Variants in MAP3K6 observed in about 807,000 individuals in gnomAD.
The protein encoded by MAP3K6 is apoptosis signal-regulating kinase 2.
In MAP3K6, 105 loss-of-function variants were observed where a neutral mutation model predicts 147.1. The observed-to-expected ratio is 0.71, with a 90% CI of 0.61 to 0.84. The LOEUF (loss-of-function observed/expected upper bound fraction) is 0.84, where lower values mean the gene tolerates loss of function less well. MAP3K6 is among the 40% of genes least tolerant of loss of function. The pLI is 0.00. For synonymous variants in MAP3K6, 695 were observed against 732.4 expected (o/e 0.95, Z 0.82); for missense variants, 1,569 against 1,715.0 (o/e 0.91, Z 1.50).
chr1:27,360,934 C>CCCGCGCCCT lies in MAP3K6; in HGVS notation c.1898_1906dup (p.Glu633_Ala635dup). The CCCGCGCCCT allele has an allele frequency of 6.2e-7, 1 of 1,608,108 alleles. No homozygotes were observed. The highest frequency in any genetic ancestry group is 8.5e-7 in the Non-Finnish European group (1 of 1,177,144). Reference sequence around the variant, plus strand: ...CCGCGTCCTCACCTCCAACATCTCCCCCGCGCCCTCCGCCTCCTCCGCGGG... The same window carrying CCCGCGCCCT: ...CCGCGTCCTCACCTCCAACATCTCCCCCGCGCCCTCCGCGCCCTCCGCCTCCTCCGCGGG... On this transcript the variant is annotated inframe_insertion, in exon 14 of 29. Transcript: ENST00000357582. This position sits in a 1 kb window ranked among gnomAD's most constrained non-coding sequence, Gnocchi z 4.5.
intron 28 of MAP3K6, 99 bp downstream of exon 28, chr1:27,355,570 A>T: frequency 6.4e-7 from 1 of 1,566,600 alleles, no homozygotes; most frequent in Non-Finnish European, 8.8e-7. Flanking sequence ...TAGGGGACCC[A>T]GGTGCCCCTT....
chr1:27,361,480 C>T, intron 11 of MAP3K6, 40 bp downstream of exon 11: 1 of 1,612,716 alleles, frequency 6.2e-7, no homozygotes, highest in South Asian at 1.1e-5. Flanking sequence ...CAGAAAAGGT[C>T]CTAGCAAAGG....
In MAP3K6 at chr1:27,360,279, C is replaced by T; in HGVS notation, c.2144G>A (p.Gly715Asp). ...CTCCATGAAGATCTTAAGGTAGCCGCCCTGGCTAGCTGAGCCCAGATAGCG... is the reference window on the plus strand; with the variant it reads ...CTCCATGAAGATCTTAAGGTAGCCGTCCTGGCTAGCTGAGCCCAGATAGCG... ...IVRYLGSASQ[G>D]GYLKIFMEEV... Residue 715 changes from glycine to aspartate, a missense_variant, in exon 16 of 29, where the codon GGC (glycine) becomes GAC (aspartate). Coordinates refer to ENST00000357582, the MANE Select transcript of MAP3K6 (RefSeq NM_004672.5). The surrounding 1 kb of genome is among the most constrained non-coding windows in gnomAD (Gnocchi z 4.5). 6.2e-7 allele frequency: 1 copy of T among 1,614,124 alleles called. No homozygotes were observed.
At position 27,366,559 on chromosome 1, in the gene MAP3K6, G is replaced by A. The variant is rs2015995715; in HGVS notation, c.39C>T (p.Ala13=). 9.2e-7 allele frequency: 1 copy of A among 1,089,590 alleles called. No individual in the cohort carries two copies. Among genetic ancestry groups the A allele is most frequent in the Non-Finnish European group, 1.1e-6 (1 of 898,308 alleles). 67.5% of individuals were successfully genotyped at this position (1,089,590 alleles called of 1,614,324 possible). Residue 13 remains alanine (A), a synonymous_variant, in exon 1 of 29, where the codon GCC becomes GCT. Coordinates refer to ENST00000357582, the MANE Select transcript of MAP3K6 (RefSeq NM_004672.5). The surrounding 1 kb of genome is among the most constrained non-coding windows in gnomAD (Gnocchi z 5.5). Reference sequence around the variant, plus strand: ...CCAGCGGGTCCTGCCAGCAGCTGCCGGCGCGCTCCGCCCCGGACCGGGGAC... The same window carrying A: ...CCAGCGGGTCCTGCCAGCAGCTGCCAGCGCGCTCCGCCCCGGACCGGGGAC... The part of the protein sequence containing the change: ...GPCPRSGAER[A]GSCWQDPLAV...
intron 21 of MAP3K6, 29 bp from the exon 22 acceptor site, chr1:27,357,905 G>A (rs4970520): frequency 0.22 from 336,346 of 1,549,248 alleles, 41,456 homozygotes; most frequent in East Asian, 0.49. Context: ...TGCTGATTGA[G>A]GACGGGCAGC....
rs137982409 is a variant in MAP3K6, at chr1:27,362,879, C to T, written c.1114G>A (p.Ala372Thr). Residue 372 changes from alanine to threonine, a missense_variant, in exon 7 of 29, where the codon GCT becomes ACT. By Grantham distance (58) the Ala-to-Thr change is moderately conservative (BLOSUM62 0). Coordinates refer to ENST00000357582, the MANE Select transcript of MAP3K6 (RefSeq NM_004672.5). ...TGATAGGCCTGCTCCCGGTGCCCAG[C>T]ATCCTGGAAACCCGAGCTGAAGAAC... ...DMFFSSGFQDAGHREQAYHWY... is the reference protein window; with the variant it reads ...DMFFSSGFQDTGHREQAYHWY... 7.7e-5 allele frequency: 125 copies of T among 1,614,114 alleles called. No homozygotes were observed. Among genetic ancestry groups the T allele is most frequent in the Middle Eastern group, 1.6e-4 (1 of 6,062 alleles).
chr1:27,361,163 C>G lies in MAP3K6; in HGVS notation c.1826G>C (p.Cys609Ser), dbSNP rs745332961. The G allele has an allele frequency of 2.0e-5, 32 of 1,609,238 alleles. No homozygotes were observed. The highest frequency in any genetic ancestry group is 2.7e-5 in the Non-Finnish European group (32 of 1,178,414). The change falls in exon 13 of 29, where the codon TGC (cysteine) becomes TCC (serine). Residue 609 changes from cysteine (C) to serine (S), a missense_variant. Coordinates refer to ENST00000357582, the MANE Select transcript of MAP3K6 (RefSeq NM_004672.5). ...VQLCFPSVGH[C>S]QWFCGLIQAW... ...ACCATGAAAGGCTGCGCACCACTGG[C>G]AGTGCCCTACGCTGGGGAAGCACAG...
rs372494194 is a variant in MAP3K6 at position 27,359,469 on chromosome 1, G to A, written c.2373C>T (p.Phe791=). ...TGCCTGCCAGCCGCTTGGAGGTGCC[G>A]AAGTCAGAAATCTTGAGCAGCCCAC... ...TFSGLLKISD[F]GTSKRLAGIT... Residue 791 remains phenylalanine, a synonymous_variant, in exon 18 of 29, where the codon TTC becomes TTT. Coordinates refer to ENST00000357582, the MANE Select transcript of MAP3K6 (RefSeq NM_004672.5). The surrounding 1 kb of genome is among the most constrained non-coding windows in gnomAD (Gnocchi z 4.4). 3.0e-5 allele frequency: 49 copies of A among 1,614,004 alleles called. No homozygotes were observed. The highest frequency in any genetic ancestry group is 3.6e-5 in the Non-Finnish European group (42 of 1,180,026).
At position 27,359,816 on chromosome 1, in the gene MAP3K6, G is replaced by C; in HGVS notation, c.2319+42C>G. The C allele has an allele frequency of 6.2e-7, 1 of 1,608,066 alleles. No individual in the cohort carries two copies. The highest frequency in any genetic ancestry group is 1.1e-5 in the South Asian group (1 of 90,902). ...CGTCTGGGACCATGTTTCCTTCCCC[G>C]CCACCCTCAGCAGATGAGGGCGGGC... On this transcript the variant is annotated intron_variant, in intron 17 of 28. Transcript: ENST00000357582. This position sits in a 1 kb window ranked among gnomAD's most constrained non-coding sequence, Gnocchi z 4.4.
rs1235616747 is a variant in MAP3K6, at chr1:27,360,402, G to C, written c.2055-34C>G. ...AGGTAAGGGAGAGAGGAAAGGGACC[G>C]AGGTGGGCAGAGAAGCCCCGCCCAT... On this transcript the variant is annotated intron_variant, in intron 15 of 28. Coordinates refer to ENST00000357582, the MANE Select transcript of MAP3K6 (RefSeq NM_004672.5). This position sits in a 1 kb window ranked among gnomAD's most constrained non-coding sequence, Gnocchi z 4.5. The C allele has an allele frequency of 1.3e-6, 2 of 1,599,130 alleles. No homozygotes were observed. The highest frequency in any genetic ancestry group is 1.3e-5 in the African/African-American group (1 of 74,678).
chr1:27,363,036 G>A lies in MAP3K6; in HGVS notation c.972-15C>T. Reference sequence around the variant, plus strand: ...GCCTGTTCCTCCTAGGGAAAAGATGGGCTCAGGCCCTCCCTGATGGCCCTG... The same window carrying A: ...GCCTGTTCCTCCTAGGGAAAAGATGAGCTCAGGCCCTCCCTGATGGCCCTG... On this transcript the variant is annotated splice_polypyrimidine_tract_variant and intron_variant, in intron 6 of 28. Transcript: ENST00000357582. 1 of 1,608,632 alleles carries A rather than the reference G, an allele frequency of 6.2e-7. No homozygotes were observed. Among genetic ancestry groups the A allele is most frequent in the African/African-American group, 1.3e-5 (1 of 74,840 alleles).
chr1:27,362,735 G>A lies in MAP3K6; in HGVS notation c.1161C>T (p.Asp387=), dbSNP rs757438284. The A allele has an allele frequency of 5.6e-6, 9 of 1,612,228 alleles. No homozygotes were observed. In the African/African-American group the frequency reaches 6.7e-5, roughly 12 times the overall value. Reference sequence around the variant, plus strand: ...TGCCTGAGTGAAGGCTGGGCTCTACGTCAAAAGCCTTGCGATACCTGGGGT... The same window carrying A: ...TGCCTGAGTGAAGGCTGGGCTCTACATCAAAAGCCTTGCGATACCTGGGGT... ...QAYHWYRKAF[D]VEPSLHSGIN... The change falls in exon 8 of 29, where the codon GAC becomes GAT. Residue 387 remains aspartate, a synonymous_variant. Coordinates refer to ENST00000357582, the MANE Select transcript of MAP3K6 (RefSeq NM_004672.5).
chr1:27,366,275 T>C lies in MAP3K6; in HGVS notation c.323A>G (p.Asp108Gly). The change falls in exon 1 of 29, where the codon GAT (aspartate) becomes GGT (glycine). Residue 108 changes from aspartate to glycine, a missense_variant. Coordinates refer to ENST00000357582, the MANE Select transcript of MAP3K6 (RefSeq NM_004672.5). The surrounding 1 kb of genome is among the most constrained non-coding windows in gnomAD (Gnocchi z 5.5). ...TLELGDTAAL[D>G]AFYNADVVVL... ...GCTCTCACCCGCGTTGTAGAAGGCATCCAGAGCCGCGGTGTCGCCTAGCTC... is the reference window on the plus strand; with the variant it reads ...GCTCTCACCCGCGTTGTAGAAGGCACCCAGAGCCGCGGTGTCGCCTAGCTC... 2.2e-6 allele frequency: 3 copies of C among 1,338,006 alleles called. No individual in the cohort carries two copies. Among genetic ancestry groups the C allele is most frequent in the Non-Finnish European group, 2.9e-6 (3 of 1,045,620 alleles). The allele number at this position is 1,338,006 out of a possible 1,614,324, so 82.9% of individuals were successfully genotyped here.
At chr1:27,356,129 A>T (rs778003671) in intron 26 of MAP3K6, 30 bp from the exon 27 acceptor site, 118 of 1,599,724 alleles carry the variant, frequency 7.4e-5, no homozygotes, top group Non-Finnish European at 9.4e-5. Context: ...TGATGAGCCC[A>T]AGAGTGCCTC....
At chr1:27,361,443 G>T (rs2015766140) in intron 11 of MAP3K6, 48 bp from the exon 12 acceptor site, 1 of 1,611,208 alleles carries the variant, frequency 6.2e-7, no homozygotes, top group African/African-American at 1.3e-5. Flanking sequence ...GACAGGAGAG[G>T]GGTCTGAGGA....
Position 27,358,487 on chromosome 1 carries a change from TC to T in MAP3K6, c.2707del (p.Asp903ThrfsTer89). Reference sequence around the variant, plus strand: ...CCTTTTCCCAGGCTGCAGGAAGGGGTCCCCCAGCAGTGTCTGGGCGCTGGCT... The same window carrying T: ...CCTTTTCCCAGGCTGCAGGAAGGGGTCCCCAGCAGTGTCTGGGCGCTGGCT... ...LRASAQTLLG[D>X]PFLQPGKRSR... On this transcript the variant is annotated frameshift_variant, in exon 20 of 29. Coordinates refer to ENST00000357582, the MANE Select transcript of MAP3K6 (RefSeq NM_004672.5). LOFTEE classifies it high-confidence loss of function. This position sits in a 1 kb window ranked among gnomAD's most constrained non-coding sequence, Gnocchi z 6.2. 3 of 1,596,898 alleles carry T rather than the reference TC, an allele frequency of 1.9e-6. No individual in the cohort carries two copies. The highest frequency in any genetic ancestry group is 2.6e-6 in the Non-Finnish European group (3 of 1,175,264).
rs200087701 is a variant in MAP3K6, at chr1:27,364,389, G to A, written c.510C>T (p.Cys170=). ...REDVFQKNSD[C]VGSYTLIPYV... is the part of the protein sequence containing the mutation. Reference sequence around the variant, plus strand: ...AGGGGATCAGTGTGTAGCTGCCAACGCAATCCTGGTGGGAGGGAGGCAGGA... The same window carrying A: ...AGGGGATCAGTGTGTAGCTGCCAACACAATCCTGGTGGGAGGGAGGCAGGA... The change falls in exon 4 of 29, where the codon TGC becomes TGT. Residue 170 remains cysteine, a synonymous_variant. Coordinates refer to ENST00000357582, the MANE Select transcript of MAP3K6 (RefSeq NM_004672.5). The surrounding 1 kb of genome is among the most constrained non-coding windows in gnomAD (Gnocchi z 4.4). 36 of 1,613,812 alleles carry A rather than the reference G, an allele frequency of 2.2e-5. No individual in the cohort carries two copies. In the Admixed American group the frequency reaches 2.3e-4, roughly 10 times the overall value.
Position 27,357,870 on chromosome 1 carries a change from G to A in MAP3K6, c.2922C>T (p.Pro974=), listed in dbSNP as rs558826571. ...CAGGCTCCTCGGCCGCAGGCTCCTCGGGCACCCTGGGCACAAGGGCGAGCT... is the reference window on the plus strand; with the variant it reads ...CAGGCTCCTCGGCCGCAGGCTCCTCAGGCACCCTGGGCACAAGGGCGAGCT... ...SYGGTSQLRV[P]EEPAAEEPAS... The change falls in exon 22 of 29, where the codon CCC becomes CCT. Residue 974 remains proline, a synonymous_variant. Coordinates refer to ENST00000357582, the MANE Select transcript of MAP3K6 (RefSeq NM_004672.5). 6.3e-6 allele frequency: 10 copies of A among 1,588,198 alleles called. No homozygotes were observed. Among genetic ancestry groups the A allele is most frequent in the Middle Eastern group, 1.8e-4 (1 of 5,508 alleles).
chr1:27,365,561 G>A (rs879750965), intron 1 of MAP3K6, among the ~76,000 whole-genome samples: 4 of 152,056 alleles, frequency 2.6e-5, no homozygotes, highest in Non-Finnish European at 4.4e-5. Context: ...CCGAGCATCC[G>A]GGCTGGCTGG....
Sources: gnomAD v4.1 joint callset for allele counts (sites outside exome capture counted in the v4.1 genomes callset) on GRCh38, gnomAD v4.1.1 for gene constraint, Gnocchi (gnomAD v3.1) non-coding constraint, MANE v1.5 for transcripts, NCBI Gene and HGNC (gene_info 2026-07-23, HGNC 2026-07-21) for gene names.